Variants in SPECC1 observed in about 807,000 individuals in gnomAD.
The protein encoded by SPECC1 is cytospin-B.
Under a neutral mutation model 104.1 loss-of-function variants are expected in SPECC1, and 62 were observed. The ratio of observed to expected loss-of-function variants is 0.60; its 90% CI spans 0.49 to 0.74. The LOEUF (loss-of-function observed/expected upper bound fraction) is 0.74, where lower values mean the gene tolerates loss of function less well. SPECC1 is among the 30% of genes least tolerant of loss of function. The pLI, the probability that SPECC1 is intolerant of heterozygous loss-of-function variation, is 0.00. For missense variants in SPECC1, 1,306 were observed against 1,310.5 expected (o/e 1.00, Z 0.05); for synonymous variants, 513 against 501.6 (o/e 1.02, Z -0.30).
chr17:20,029,786 CT>C (rs1161998233), intron 1 of SPECC1, among the ~76,000 whole-genome samples: 9 of 152,166 alleles, frequency 5.9e-5, no homozygotes, highest in Non-Finnish European at 1.3e-4. Context: ...TAATTTGAGT[CT>C]TACCTCCTTT....
intron 7 of SPECC1, among the ~76,000 whole-genome samples, chr17:20,244,753 C>T (rs2039347958): frequency 6.6e-6 from 1 of 152,024 alleles, no homozygotes; most frequent in Non-Finnish European, 1.5e-5. Flanking sequence ...AATATACTTC[C>T]AGAAACATTC....
chr17:20,034,848 AC>A (rs1220307198), intron 1 of SPECC1, among the ~76,000 whole-genome samples: 1 of 151,910 alleles, frequency 6.6e-6, no homozygotes, highest in Non-Finnish European at 1.5e-5. Flanking sequence ...TAGGTGATCC[AC>A]CTGCCTTGGC....
chr17:20,171,570 CAG>C (rs2034093592), intron 3 of SPECC1, among the ~76,000 whole-genome samples: 1 of 151,482 alleles, frequency 6.6e-6, no homozygotes. Context: ...TTTTTTGAGA[CAG>C]AGTCTTGCGT....
At chr17:20,303,485 T>G (rs1319927065) in intron 13 of SPECC1, among the ~76,000 whole-genome samples, 2 of 152,172 alleles carry the variant, frequency 1.3e-5, no homozygotes, top group Non-Finnish European at 2.9e-5. Context: ...CTTTCTGTTT[T>G]TTTGGTGACC....
intron 12 of SPECC1, among the ~76,000 whole-genome samples, chr17:20,269,370 T>C (rs2040322494): frequency 1.3e-5 from 2 of 152,200 alleles, no homozygotes; most frequent in African/African-American, 4.8e-5. Flanking sequence ...GTCTGGAATG[T>C]AGTATGTGCT....
At chr17:20,250,551 C>T (rs1043037471) in intron 9 of SPECC1, among the ~76,000 whole-genome samples, 2 of 152,132 alleles carry the variant, frequency 1.3e-5, no homozygotes, top group African/African-American at 2.4e-5. Flanking sequence ...ACGTGCTAAA[C>T]TTACATAGGA....
chr17:20,296,645 A>AT (rs2041360673), intron 12 of SPECC1, among the ~76,000 whole-genome samples: 1 of 151,770 alleles, frequency 6.6e-6, no homozygotes, highest in Non-Finnish European at 1.5e-5. Flanking sequence ...GATTCTTCCT[A>AT]TCCATGAGCA....
intron 12 of SPECC1, among the ~76,000 whole-genome samples, chr17:20,267,185 C>G (rs2040245333): frequency 6.6e-6 from 1 of 152,142 alleles, no homozygotes; most frequent in Non-Finnish European, 1.5e-5. Flanking sequence ...ACACTGGTGT[C>G]TTTTTGGAAT....
At chr17:20,132,821 G>T (rs2049723096) in intron 3 of SPECC1, among the ~76,000 whole-genome samples, 1 of 151,712 alleles carries the variant, frequency 6.6e-6, no homozygotes, top group African/African-American at 2.4e-5. Context: ...CTCACTGCAA[G>T]CTCCACCTCC....
chr17:20,200,879 G>C (rs1191810387), intron 3 of SPECC1, among the ~76,000 whole-genome samples: 1 of 130,998 alleles, frequency 7.6e-6, no homozygotes, highest in Non-Finnish European at 1.6e-5. Context: ...GGAAAACAGA[G>C]ACAGACATAG....
At chr17:20,079,083 A>G (rs2046870830) in intron 1 of SPECC1, among the ~76,000 whole-genome samples, 1 of 152,200 alleles carries the variant, frequency 6.6e-6, no homozygotes, top group South Asian at 2.1e-4. Flanking sequence ...AAAGATGCTT[A>G]AAGGTCTTAA....
chr17:20,055,019 C>CAGCT (rs2045908618), intron 1 of SPECC1, among the ~76,000 whole-genome samples: 1 of 152,182 alleles, frequency 6.6e-6, no homozygotes, highest in Non-Finnish European at 1.5e-5. Flanking sequence ...CAGTGTTGTA[C>CAGCT]AGCTGATCTT....
At chr17:20,034,084 C>T (rs376542538) in intron 1 of SPECC1, among the ~76,000 whole-genome samples, 43 of 149,076 alleles carry the variant, frequency 2.9e-4, no homozygotes, top group African/African-American at 9.2e-4. Context: ...CTAAAGTAAG[C>T]GTTTGATATT....
At chr17:20,246,923 TAAC>T in intron 8 of SPECC1, among the ~76,000 whole-genome samples, 1 of 152,256 alleles carries the variant, frequency 6.6e-6, no homozygotes, top group Admixed American at 6.5e-5. Flanking sequence ...GGAAATGAAT[TAAC>T]AATTTGTACA....
intron 12 of SPECC1, among the ~76,000 whole-genome samples, chr17:20,277,723 G>A (rs1598128029): frequency 6.6e-6 from 1 of 152,136 alleles, no homozygotes; most frequent in African/African-American, 2.4e-5. Context: ...CTTTAAACAC[G>A]GGGTAGGGGA....
At chr17:20,145,509 C>A (rs1317136740) in intron 3 of SPECC1, among the ~76,000 whole-genome samples, 7 of 152,164 alleles carry the variant, frequency 4.6e-5, no homozygotes, top group Admixed American at 3.3e-4. Context: ...CACGAGATAA[C>A]TACTAGAGTT....
chr17:20,151,584 T>C (rs2032010602), intron 3 of SPECC1, among the ~76,000 whole-genome samples: 1 of 152,222 alleles, frequency 6.6e-6, no homozygotes, highest in Non-Finnish European at 1.5e-5. Flanking sequence ...TTTTAAGGTT[T>C]ACATCAGATA....
intron 1 of SPECC1, among the ~76,000 whole-genome samples, chr17:20,024,605 A>G (rs971964840): frequency 6.6e-6 from 1 of 152,118 alleles, no homozygotes; most frequent in Admixed American, 6.5e-5. Flanking sequence ...GTTCCTTGTC[A>G]CTGTCTCTGG....
chr17:20,128,298 T>C (rs1404436162), intron 3 of SPECC1, among the ~76,000 whole-genome samples: 2 of 152,244 alleles, frequency 1.3e-5, no homozygotes, highest in Non-Finnish European at 2.9e-5. Context: ...AAGTACTGTC[T>C]TTCCTTAAGT....
Sources: gnomAD v4.1 joint callset for allele counts (sites outside exome capture counted in the v4.1 genomes callset) on GRCh38, gnomAD v4.1.1 for gene constraint, MANE v1.5 for transcripts, NCBI Gene and HGNC (gene_info 2026-07-23, HGNC 2026-07-21) for gene names.